Variants in MBD5 observed in about 807,000 individuals in gnomAD.
MBD5 encodes methyl-CpG-binding domain protein 5.
Under a neutral mutation model 117.3 loss-of-function variants are expected in MBD5, and 13 were observed. The observed-to-expected ratio is 0.11, with a 90% CI of 0.07 to 0.18. The LOEUF is 0.18. MBD5 is among the 10% of genes least tolerant of loss of function. The pLI is 1.00. For missense variants in MBD5, 1,879 were observed against 2,093.8 expected, an observed-to-expected ratio of 0.90 and a Z score of 2.00; for synonymous variants, 727 against 766.4, an observed-to-expected ratio of 0.95 and a Z score of 0.85.
chr2:148,149,810 G>C (rs1370532409), intron 1 of MBD5, among the ~76,000 whole-genome samples: 2 of 151,480 alleles, frequency 1.3e-5, no homozygotes, highest in Admixed American at 6.6e-5. Flanking sequence ...TTGTAAATTT[G>C]TTTGAGTTCA....
At chr2:148,228,071 C>T (rs1699882882) in intron 2 of MBD5, among the ~76,000 whole-genome samples, 1 of 152,194 alleles carries the variant, frequency 6.6e-6, no homozygotes, top group Admixed American at 6.5e-5. Flanking sequence ...GATGATTTGA[C>T]TTCCTCTTTT....
chr2:148,158,750 C>T (rs1345290270), intron 1 of MBD5, among the ~76,000 whole-genome samples: 2 of 152,192 alleles, frequency 1.3e-5, no homozygotes, highest in Non-Finnish European at 2.9e-5. Context: ...GACGGAGTCT[C>T]GCTGTGTCTG....
Position 148,021,712 on chromosome 2 carries a change from C to A in MBD5, c.-925+28C>A. ...AAGTGTGTCTGTGGGGGCTTCATTG[C>A]CTTCCTCTGGCTCTGACTTTCACTC... is the stretch of plus-strand genomic sequence containing the variant. On this transcript the variant is annotated intron_variant, in intron 1 of 13. Coordinates refer to ENST00000642680, the MANE Select transcript of MBD5 (RefSeq NM_001378120.1). The A allele has an allele frequency of 6.1e-6, 2 of 330,278 alleles. 1 individual carries two copies. Among genetic ancestry groups the A allele is most frequent in the Non-Finnish European group, 1.2e-5 (2 of 164,562 alleles). The allele number at this position is 330,278 out of a possible 1,614,324, so 20.5% of individuals were successfully genotyped here.
intron 1 of MBD5, among the ~76,000 whole-genome samples, chr2:148,172,465 C>G (rs1032116715): frequency 6.6e-6 from 1 of 152,178 alleles, no homozygotes; most frequent in African/African-American, 2.4e-5. Context: ...GGGAGGGAGG[C>G]CTGGGGTTGG....
intron 4 of MBD5, among the ~76,000 whole-genome samples, chr2:148,412,272 T>TTTTTTGTGTGTGTGTGTG (rs946184910): frequency 7.6e-5 from 11 of 144,480 alleles, no homozygotes; most frequent in African/African-American, 2.4e-4. Context: ...AGTATACTTT[T>TTTTTTGTGTGTGTGTGTG]TGTGTGTGTG....
intron 1 of MBD5, among the ~76,000 whole-genome samples, chr2:148,158,468 A>G (rs969450468): frequency 6.6e-6 from 1 of 152,198 alleles, no homozygotes; most frequent in Non-Finnish European, 1.5e-5. Flanking sequence ...GATTTTGTCA[A>G]TGGTCTACTC....
chr2:148,318,971 C>T (rs1391624863), intron 3 of MBD5, among the ~76,000 whole-genome samples: 1 of 152,176 alleles, frequency 6.6e-6, no homozygotes, highest in Non-Finnish European at 1.5e-5. Context: ...TAGTCTCGGC[C>T]TCCCAAAGTG....
At chr2:148,123,974 C>G (rs763059843) in intron 1 of MBD5, among the ~76,000 whole-genome samples, 1 of 152,104 alleles carries the variant, frequency 6.6e-6, no homozygotes, top group Non-Finnish European at 1.5e-5. Flanking sequence ...TCAAGAACAT[C>G]TCATTGTGTT....
chr2:148,423,741 AAG>A lies in MBD5; in HGVS notation c.-556-34460_-556-34459del, dbSNP rs532003298. Reference sequence around the variant, plus strand: ...TAAACAGACTAAGTGCCCCAATTAAAAGACACAGACTGGCAAATTGGATGAAG... The same window carrying A: ...TAAACAGACTAAGTGCCCCAATTAAAACACAGACTGGCAAATTGGATGAAG... On this transcript the variant is annotated intron_variant, in intron 4 of 13. Transcript: ENST00000642680. 1.6e-3 allele frequency among the ~76,000 whole-genome samples: 250 copies of A among 152,326 alleles called. 1 individual carries two copies. The highest frequency in any genetic ancestry group is 5.8e-3 in the African/African-American group (240 of 41,570).
chr2:148,297,788 A>G (rs1701690074), intron 3 of MBD5, among the ~76,000 whole-genome samples: 2 of 151,600 alleles, frequency 1.3e-5, no homozygotes, highest in Admixed American at 6.6e-5. Flanking sequence ...TATTTCTCTC[A>G]TGGAGATACT....
intron 3 of MBD5, among the ~76,000 whole-genome samples, chr2:148,281,016 C>T (rs1701232728): frequency 6.6e-6 from 1 of 152,062 alleles, no homozygotes; most frequent in South Asian, 2.1e-4. Flanking sequence ...TCTTATTAAC[C>T]TTGATTTTGT....
chr2:148,405,633 G>T (rs902609942), intron 4 of MBD5, among the ~76,000 whole-genome samples: 4 of 152,132 alleles, frequency 2.6e-5, no homozygotes, highest in African/African-American at 4.8e-5. Context: ...AAGCGCTAAA[G>T]GACTGAATCT....
chr2:148,085,093 A>G (rs892060613), intron 1 of MBD5, among the ~76,000 whole-genome samples: 1 of 152,214 alleles, frequency 6.6e-6, no homozygotes, highest in African/African-American at 2.4e-5. Context: ...CTGTGTAAAC[A>G]ACACAGCAGG....
chr2:148,454,973 T>C (rs1706840654), intron 4 of MBD5, among the ~76,000 whole-genome samples: 3 of 152,192 alleles, frequency 2.0e-5, no homozygotes, highest in Non-Finnish European at 4.4e-5. Context: ...ATATCAATTT[T>C]TCTAATCTGT....
intron 1 of MBD5, among the ~76,000 whole-genome samples, chr2:148,048,260 C>G (rs998107722): frequency 6.6e-6 from 1 of 152,066 alleles, no homozygotes. Flanking sequence ...CAGTAGGACT[C>G]GAGAAATGTT....
intron 11 of MBD5, chr2:148,490,925 G>A (rs1044461673): frequency 9.0e-6 from 3 of 334,236 alleles, no homozygotes; most frequent in African/African-American, 6.4e-5. Context: ...AGAGGAGGAA[G>A]GCAAGTGTCA....
intron 2 of MBD5, among the ~76,000 whole-genome samples, chr2:148,228,909 A>G (rs990987540): frequency 2.0e-5 from 3 of 152,164 alleles, no homozygotes; most frequent in African/African-American, 4.8e-5. Flanking sequence ...AGGTGTTTAT[A>G]GTATTCTCTG....
chr2:148,030,538 A>G (rs1272531421), intron 1 of MBD5, among the ~76,000 whole-genome samples: 2 of 152,066 alleles, frequency 1.3e-5, no homozygotes, highest in Non-Finnish European at 2.9e-5. Context: ...CCATAAAGAC[A>G]TAAAGTATAT....
intron 3 of MBD5, among the ~76,000 whole-genome samples, chr2:148,263,244 G>T (rs1401360609): frequency 6.6e-6 from 1 of 152,112 alleles, no homozygotes; most frequent in Non-Finnish European, 1.5e-5. Flanking sequence ...ATAGAGAAAA[G>T]GACTAATCAG....
Sources: gnomAD v4.1 joint callset for allele counts (sites outside exome capture counted in the v4.1 genomes callset) on GRCh38, gnomAD v4.1.1 for gene constraint, MANE v1.5 for transcripts, NCBI Gene and HGNC (gene_info 2026-07-23, HGNC 2026-07-21) for gene names.